DGKB: variants seen among roughly 807,000 people sequenced by gnomAD.
The protein encoded by DGKB is 90 kDa diacylglycerol kinase.
Under a neutral mutation model 114.3 loss-of-function variants are expected in DGKB, and 67 were observed. That is an observed-to-expected ratio of 0.59 (90% CI 0.48 to 0.72). The LOEUF is 0.72. Ranked by LOEUF, DGKB falls within the 30% of genes least tolerant of loss-of-function variation. The probability of loss-of-function intolerance (pLI) is 0.00; values close to 1 mark genes in which losing one functional copy is unlikely to be tolerated. For synonymous variants in DGKB, 398 were observed against 323.1 expected, an observed-to-expected ratio of 1.23 and a Z score of -2.49; for missense variants, 907 against 975.2, an observed-to-expected ratio of 0.93 and a Z score of 0.93.
chr7:14,719,247 C>G (rs1020463778), intron 5 of DGKB, among the ~76,000 whole-genome samples: 1 of 152,204 alleles, frequency 6.6e-6, no homozygotes, highest in Admixed American at 6.5e-5. Context: ...ATAAGCAAAA[C>G]TCTGGATAAA....
In DGKB at chr7:14,821,738, T is replaced by C. The variant is rs866725695; in HGVS notation, c.70+19456A>G. On this transcript the variant is annotated intron_variant, in intron 2 of 25. Coordinates refer to ENST00000402815, the MANE Select transcript of DGKB (RefSeq NM_001350709.2). The stretch of plus-strand genomic sequence containing the variant: ...CAAGATTTTAGGCAGGGGAATGACA[T>C]AGTTGGATTTATATTTTTCAAGGAA... 8.5e-5 allele frequency among the ~76,000 whole-genome samples: 13 copies of C among 152,200 alleles called. No individual in the cohort carries two copies. The Middle Eastern group carries it at 0.01, about 119-fold the overall frequency.
At chr7:14,685,161 C>A (rs1821464794) in intron 10 of DGKB, 84 bp downstream of exon 10, 1 of 851,296 alleles carries the variant, frequency 1.2e-6, no homozygotes, top group South Asian at 1.5e-5. Context: ...GATCTTAGGT[C>A]TCCATTTACA....
At chr7:14,639,286 G>A (rs943024595) in intron 13 of DGKB, among the ~76,000 whole-genome samples, 2 of 152,158 alleles carry the variant, frequency 1.3e-5, no homozygotes, top group Non-Finnish European at 2.9e-5. Context: ...GACAAAGTGT[G>A]GCTTAAAAGG....
intron 5 of DGKB, among the ~76,000 whole-genome samples, chr7:14,726,270 G>C (rs576155443): frequency 6.6e-6 from 1 of 152,216 alleles, no homozygotes; most frequent in African/African-American, 2.4e-5. Flanking sequence ...CTCCCAGGTA[G>C]CTGGGATTAT....
intron 20 of DGKB, among the ~76,000 whole-genome samples, chr7:14,491,890 T>C (rs1784650146): frequency 6.6e-6 from 1 of 152,068 alleles, no homozygotes; most frequent in Non-Finnish European, 1.5e-5. Context: ...TCATAATTTA[T>C]CTAACTTGTT....
chr7:14,391,495 T>A (rs1325240660), intron 21 of DGKB, among the ~76,000 whole-genome samples: 2 of 146,278 alleles, frequency 1.4e-5, no homozygotes, highest in African/African-American at 5.2e-5. Context: ...CTAAGCAACA[T>A]GGCCGGTCTA....
chr7:14,640,924 A>C (rs902858164), intron 13 of DGKB, among the ~76,000 whole-genome samples: 1 of 152,188 alleles, frequency 6.6e-6, no homozygotes, highest in Non-Finnish European at 1.5e-5. Context: ...TCAAAATGTA[A>C]AAATTAAAAG....
intron 21 of DGKB, among the ~76,000 whole-genome samples, chr7:14,406,228 A>T (rs139307257): frequency 8.4e-4 from 128 of 152,068 alleles, no homozygotes; most frequent in African/African-American, 2.8e-3. Flanking sequence ...TAGCCTAGCA[A>T]ATGCAGTCTA....
intron 13 of DGKB, among the ~76,000 whole-genome samples, chr7:14,637,264 T>G (rs1043930752): frequency 3.9e-5 from 6 of 151,952 alleles, no homozygotes; most frequent in Non-Finnish European, 7.4e-5. Context: ...ATTTTCAAGC[T>G]TTCAGTGTTA....
chr7:14,523,347 A>C (rs749797900), intron 20 of DGKB, among the ~76,000 whole-genome samples: 38 of 152,322 alleles, frequency 2.5e-4, no homozygotes, highest in South Asian at 8.3e-4. Context: ...TTTCAAAATG[A>C]AATGACTACA....
intron 6 of DGKB, among the ~76,000 whole-genome samples, chr7:14,716,085 C>G (rs1828133085): frequency 1.3e-5 from 2 of 152,046 alleles, no homozygotes; most frequent in Non-Finnish European, 2.9e-5. Flanking sequence ...TATCTAATAA[C>G]CCAGGTAAAA....
At chr7:14,800,677 G>A (rs1842036097) in intron 2 of DGKB, among the ~76,000 whole-genome samples, 1 of 152,184 alleles carries the variant, frequency 6.6e-6, no homozygotes, top group Non-Finnish European at 1.5e-5. Flanking sequence ...GTTCTAGAGG[G>A]AGAAATGCTT....
intron 21 of DGKB, among the ~76,000 whole-genome samples, chr7:14,369,682 C>G (rs1817300296): frequency 6.6e-6 from 1 of 152,224 alleles, no homozygotes; most frequent in Admixed American, 6.5e-5. Context: ...TGATGATTAT[C>G]TTTTTTTATA....
At chr7:14,455,965 T>G (rs1240408536) in intron 21 of DGKB, among the ~76,000 whole-genome samples, 2 of 152,030 alleles carry the variant, frequency 1.3e-5, no homozygotes, top group Non-Finnish European at 2.9e-5. Context: ...CTATTTAAAA[T>G]GTATACACCG....
At chr7:14,390,495 T>C (rs1216656747) in intron 21 of DGKB, among the ~76,000 whole-genome samples, 1 of 152,210 alleles carries the variant, frequency 6.6e-6, no homozygotes, top group Non-Finnish European at 1.5e-5. Context: ...ATTCCATCCA[T>C]GTATTCTGGC....
At chr7:14,355,226 T>A (rs1368418055) in intron 21 of DGKB, among the ~76,000 whole-genome samples, 1 of 152,014 alleles carries the variant, frequency 6.6e-6, no homozygotes, top group South Asian at 2.1e-4. Context: ...AGTCAATCAA[T>A]TGTTTAAGCA....
intron 21 of DGKB, among the ~76,000 whole-genome samples, chr7:14,387,197 G>A (rs761787049): frequency 1.2e-4 from 18 of 151,888 alleles, no homozygotes; most frequent in Admixed American, 2.6e-4. Flanking sequence ...GCCAAGTTGC[G>A]TGGATCACGA....
At chr7:14,337,030 C>A (rs1428204296) in intron 23 of DGKB, among the ~76,000 whole-genome samples, 1 of 152,102 alleles carries the variant, frequency 6.6e-6, no homozygotes, top group Non-Finnish European at 1.5e-5. Flanking sequence ...GCAAGGAGTA[C>A]ATACGTAGTA....
chr7:14,582,660 A>G (rs62443557), intron 18 of DGKB, among the ~76,000 whole-genome samples: 57,318 of 151,770 alleles, frequency 0.38, 11,445 homozygotes, highest in East Asian at 0.68. Context: ...AAATGTATAC[A>G]GAGGGTAAGG....
Sources: allele counts gnomAD v4.1 joint callset (sites outside exome capture counted in the v4.1 genomes callset), GRCh38; gene constraint gnomAD v4.1.1; transcripts MANE v1.5; gene names NCBI Gene and HGNC (gene_info 2026-07-23, HGNC 2026-07-21).